Variants in DPP10 observed in about 807,000 individuals in gnomAD.
DPP10 encodes the protein dipeptidyl peptidase like 10.
A neutral mutation model predicts 120.9 loss-of-function variants in DPP10; 33 were observed. That is an observed-to-expected ratio of 0.27 (90% confidence interval 0.21 to 0.37). The LOEUF is 0.37. Among genes scored for constraint, DPP10 ranks in the 10% least tolerant of loss-of-function variants. The pLI is 1.00. For synonymous variants in DPP10, 337 were observed against 326.1 expected, an observed-to-expected ratio of 1.03 and a Z score of -0.36; for missense variants, 816 against 942.8, an observed-to-expected ratio of 0.87 and a Z score of 1.76.
intron 5 of DPP10, among the ~76,000 whole-genome samples, chr2:115,531,656 A>G (rs911266884): frequency 1.2e-4 from 18 of 152,072 alleles, no homozygotes; most frequent in Admixed American, 9.8e-4. Context: ...CAAATTATCC[A>G]TATTAAAATT....
intron 1 of DPP10, among the ~76,000 whole-genome samples, chr2:114,670,427 A>G (rs1184366710): frequency 3.3e-5 from 5 of 152,094 alleles, no homozygotes; most frequent in Non-Finnish European, 7.3e-5. Context: ...AACTATCGCA[A>G]GGACAAAAAA....
Position 115,584,574 on chromosome 2 carries a change from T to A in DPP10, c.441+58602T>A, listed in dbSNP as rs572945161. On this transcript the variant is annotated intron_variant, in intron 5 of 25. Transcript: ENST00000410059. ...ACAGAAAAAGTTTGATGACCCTTTC[T>A]CTAGAGCTATGCTTTTCTTCTTGCT... Among the ~76,000 whole-genome samples the A allele has an allele frequency of 3.3e-5, 5 of 152,352 alleles. No homozygotes were observed. The South Asian group carries it at 8.3e-4, about 25-fold the overall frequency.
intron 1 of DPP10, among the ~76,000 whole-genome samples, chr2:114,497,258 T>TGTGTATACATGTACATGTATAC (rs1196549981): frequency 0.02 from 2,094 of 106,250 alleles, 60 homozygotes; most frequent in African/African-American, 0.03. Context: ...TGCATGTACG[T>TGTGTATACATGTACATGTATAC]GTGTATACAT....
At chr2:115,664,977 A>G (rs886418125) in intron 5 of DPP10, among the ~76,000 whole-genome samples, 6 of 152,194 alleles carry the variant, frequency 3.9e-5, no homozygotes, top group African/African-American at 1.4e-4. Flanking sequence ...GGCTATGGCT[A>G]CGATATAGGG....
intron 1 of DPP10, among the ~76,000 whole-genome samples, chr2:114,612,352 T>C (rs1199266976): frequency 6.6e-6 from 1 of 152,170 alleles, no homozygotes; most frequent in Non-Finnish European, 1.5e-5. Flanking sequence ...GGATTCCAAA[T>C]CCCAAACCAC....
chr2:115,130,391 G>T (rs1559128462), intron 1 of DPP10, among the ~76,000 whole-genome samples: 2 of 151,752 alleles, frequency 1.3e-5, no homozygotes, highest in East Asian at 3.9e-4. Context: ...ATCCTCTTCC[G>T]ATTCCACAGA....
At chr2:114,674,146 C>G (rs1407663841) in intron 1 of DPP10, among the ~76,000 whole-genome samples, 1 of 151,868 alleles carries the variant, frequency 6.6e-6, no homozygotes, top group Non-Finnish European at 1.5e-5. Context: ...TTTACATGAT[C>G]CTATCCTCAT....
At chr2:115,187,844 T>G (rs759744279) in intron 1 of DPP10, among the ~76,000 whole-genome samples, 9 of 151,614 alleles carry the variant, frequency 5.9e-5, no homozygotes, top group Non-Finnish European at 7.4e-5. Context: ...CTACACAAAA[T>G]AAGAAAAAAC....
At chr2:115,652,784 C>G (rs2087916424) in intron 5 of DPP10, among the ~76,000 whole-genome samples, 1 of 151,898 alleles carries the variant, frequency 6.6e-6, no homozygotes, top group African/African-American at 2.4e-5. Context: ...CCCACTCACA[C>G]TGGGGAGGGC....
intron 1 of DPP10, among the ~76,000 whole-genome samples, chr2:115,056,746 G>A (rs559727642): frequency 1.6e-4 from 25 of 152,286 alleles, no homozygotes; most frequent in Admixed American, 1.0e-3. Context: ...TGGAGGCAAA[G>A]GAGTGGGACT....
At chr2:115,799,075 A>G (rs1684867698) in intron 19 of DPP10, among the ~76,000 whole-genome samples, 1 of 152,098 alleles carries the variant, frequency 6.6e-6, no homozygotes, top group African/African-American at 2.4e-5. Flanking sequence ...GTTGATTTTT[A>G]GCTTTTTTAT....
intron 3 of DPP10, among the ~76,000 whole-genome samples, chr2:115,496,873 T>C (rs2076422189): frequency 6.6e-6 from 1 of 152,066 alleles, no homozygotes; most frequent in Non-Finnish European, 1.5e-5. Flanking sequence ...TCAGGGTTTT[T>C]CAAGGAAAGT....
chr2:115,462,017 C>T (rs2074016292), intron 3 of DPP10, among the ~76,000 whole-genome samples: 1 of 152,094 alleles, frequency 6.6e-6, no homozygotes, highest in African/African-American at 2.4e-5. Flanking sequence ...AGGCCTTTAA[C>T]ACATTGTTTA....
chr2:114,653,025 A>AGTGTGT (rs753807245), intron 1 of DPP10, among the ~76,000 whole-genome samples: 9,904 of 117,926 alleles, frequency 0.084, 414 homozygotes, highest in Admixed American at 0.18. Flanking sequence ...AGAGAGAGAG[A>AGTGTGT]GAGTGTGTGT....
intron 1 of DPP10, among the ~76,000 whole-genome samples, chr2:114,550,385 T>A (rs1424629090): frequency 2.0e-5 from 3 of 152,208 alleles, no homozygotes; most frequent in African/African-American, 7.2e-5. Flanking sequence ...CCTTGGGTGA[T>A]GTGTATTTTT....
At chr2:114,887,620 A>G (rs574299639) in intron 1 of DPP10, among the ~76,000 whole-genome samples, 1 of 152,320 alleles carries the variant, frequency 6.6e-6, no homozygotes, top group African/African-American at 2.4e-5. Context: ...AAACAGTGTT[A>G]ATGATGTATA....
intron 1 of DPP10, among the ~76,000 whole-genome samples, chr2:115,110,600 A>G (rs1182058712): frequency 6.6e-6 from 1 of 152,038 alleles, no homozygotes; most frequent in Non-Finnish European, 1.5e-5. Flanking sequence ...TTATATTTTA[A>G]ATTAGAGAAC....
intron 4 of DPP10, among the ~76,000 whole-genome samples, chr2:115,519,628 G>T (rs2077689866): frequency 6.6e-6 from 1 of 152,170 alleles, no homozygotes; most frequent in Non-Finnish European, 1.5e-5. Context: ...TTTGTTTACA[G>T]CTAAATTATA....
chr2:115,778,989 A>G (rs1682443943), intron 15 of DPP10, among the ~76,000 whole-genome samples: 1 of 152,088 alleles, frequency 6.6e-6, no homozygotes, highest in Admixed American at 6.6e-5. Flanking sequence ...TTCTTGAAAC[A>G]TACATTATGA....
Sources: gnomAD v4.1 joint callset for allele counts (sites outside exome capture counted in the v4.1 genomes callset) on GRCh38, gnomAD v4.1.1 for gene constraint, MANE v1.5 for transcripts, NCBI Gene and HGNC (gene_info 2026-07-23, HGNC 2026-07-21) for gene names.